ULK4: variants seen among roughly 807,000 people sequenced by gnomAD.
ULK4 encodes inactive serine/threonine-protein kinase ULK4.
Under a neutral mutation model 160.6 loss-of-function variants are expected in ULK4, and 133 were observed. The ratio of observed to expected loss-of-function variants is 0.83; its 90% CI spans 0.72 to 0.96. ULK4 has a LOEUF of 0.96. Among genes scored for constraint, ULK4 ranks in the 40% least tolerant of loss-of-function variants. The probability of loss-of-function intolerance (pLI) is 0.00; values close to 1 mark genes in which losing one functional copy is unlikely to be tolerated. For synonymous variants in ULK4, 534 were observed against 539.8 expected (o/e 0.99, Z 0.15); for missense variants, 1,580 against 1,499.5 (o/e 1.05, Z -0.89).
intron 23 of ULK4, 91 bp downstream of exon 23, chr3:41,717,637 C>G: frequency 6.7e-7 from 1 of 1,490,714 alleles, no homozygotes; most frequent in Non-Finnish European, 9.1e-7. Context: ...CAAGAACAGA[C>G]AAGTAAGAAT....
chr3:41,355,090 G>T (rs1370690935), intron 35 of ULK4, among the ~76,000 whole-genome samples: 2 of 152,192 alleles, frequency 1.3e-5, no homozygotes, highest in African/African-American at 4.8e-5. Flanking sequence ...TGTGCTAAGG[G>T]TAAAGACAAT....
intron 17 of ULK4, among the ~76,000 whole-genome samples, chr3:41,871,667 T>G (rs141543877): frequency 2.7e-3 from 411 of 152,374 alleles, no homozygotes; most frequent in African/African-American, 9.4e-3. Flanking sequence ...TTCTCATGTC[T>G]TTTGCCCATT....
chr3:41,845,485 A>T (rs751307836), intron 17 of ULK4, among the ~76,000 whole-genome samples: 1 of 152,194 alleles, frequency 6.6e-6, no homozygotes, highest in Non-Finnish European at 1.5e-5. Context: ...AAAAATATAT[A>T]AATGGAAAAC....
intron 32 of ULK4, among the ~76,000 whole-genome samples, chr3:41,475,153 T>C (rs2084101402): frequency 6.6e-6 from 1 of 152,168 alleles, no homozygotes; most frequent in African/African-American, 2.4e-5. Flanking sequence ...GGAATTTTAT[T>C]CAGCCTTAAA....
intron 19 of ULK4, among the ~76,000 whole-genome samples, chr3:41,804,406 C>T (rs1575737828): frequency 6.6e-6 from 1 of 152,088 alleles, no homozygotes; most frequent in East Asian, 1.9e-4. Context: ...GAGTAGGTTG[C>T]AAAAATTTTC....
At chr3:41,650,536 T>TG (rs1162906197) in intron 30 of ULK4, among the ~76,000 whole-genome samples, 1 of 152,206 alleles carries the variant, frequency 6.6e-6, no homozygotes, top group Non-Finnish European at 1.5e-5. Flanking sequence ...CGCTGGCACT[T>TG]GGAGCTGCCC....
chr3:41,506,791 T>C (rs373469534), intron 32 of ULK4, among the ~76,000 whole-genome samples: 1 of 64,380 alleles, frequency 1.6e-5, no homozygotes, highest in Non-Finnish European at 3.5e-5. Flanking sequence ...TATATATATA[T>C]ATATATATAT....
intron 17 of ULK4, among the ~76,000 whole-genome samples, chr3:41,854,651 C>T (rs776846365): frequency 1.5e-4 from 23 of 152,114 alleles, no homozygotes; most frequent in South Asian, 6.2e-4. Flanking sequence ...GAATTCACAG[C>T]TTCTTACCCA....
intron 32 of ULK4, among the ~76,000 whole-genome samples, chr3:41,511,255 C>T (rs1191950031): frequency 6.7e-6 from 1 of 150,372 alleles, no homozygotes. Context: ...ACAATTCAAA[C>T]CAAAACACAG....
chr3:41,501,119 A>C (rs1022395605), intron 32 of ULK4, among the ~76,000 whole-genome samples: 1 of 152,214 alleles, frequency 6.6e-6, no homozygotes. Flanking sequence ...GTTGGTGAGA[A>C]TGCGAAACAA....
At chr3:41,629,918 G>GC (rs2033679121) in intron 30 of ULK4, among the ~76,000 whole-genome samples, 1 of 152,118 alleles carries the variant, frequency 6.6e-6, no homozygotes, top group Admixed American at 6.6e-5. Context: ...GATCACCTGA[G>GC]CCCAGGGAGG....
chr3:41,649,794 G>A (rs1485702993), intron 30 of ULK4, among the ~76,000 whole-genome samples: 1 of 152,246 alleles, frequency 6.6e-6, no homozygotes, highest in Non-Finnish European at 1.5e-5. Context: ...AGAAGAGGGA[G>A]GATTCCCAGT....
At chr3:41,641,996 C>G (rs2034225278) in intron 30 of ULK4, among the ~76,000 whole-genome samples, 3 of 151,730 alleles carry the variant, frequency 2.0e-5, no homozygotes, top group Admixed American at 2.0e-4. Context: ...GTGCCTCAGC[C>G]TCCCAAGTAG....
At chr3:41,663,892 G>A (rs532764527) in intron 29 of ULK4, among the ~76,000 whole-genome samples, 193 bp from the exon 30 acceptor site, 9 of 152,252 alleles carry the variant, frequency 5.9e-5, no homozygotes, top group Non-Finnish European at 1.0e-4. Context: ...ATTGAAATAA[G>A]AGAATAAACC....
At position 41,344,798 on chromosome 3, in the gene ULK4, A is replaced by C. The variant is rs904907061; in HGVS notation, c.3678+53281T>G. 2.0e-5 allele frequency among the ~76,000 whole-genome samples: 3 copies of C among 151,624 alleles called. No homozygotes were observed. In the Middle Eastern group the frequency reaches 0.01, roughly 519 times the overall value. On this transcript the variant is annotated intron_variant, in intron 35 of 36. Coordinates refer to ENST00000301831, the MANE Select transcript of ULK4 (RefSeq NM_017886.4). ...AGGCAAAAATTGACAAATGGGATCT[A>C]ATTAAAGAGCTTCTGCACAAAAAAA...
chr3:41,588,549 T>C (rs2031006861), intron 31 of ULK4, among the ~76,000 whole-genome samples: 1 of 152,194 alleles, frequency 6.6e-6, no homozygotes, highest in Non-Finnish European at 1.5e-5. Flanking sequence ...CCAGGTCTCC[T>C]GTCTGCTAGC....
intron 34 of ULK4, among the ~76,000 whole-genome samples, chr3:41,402,059 T>C (rs1339692325): frequency 6.6e-6 from 1 of 152,170 alleles, no homozygotes; most frequent in African/African-American, 2.4e-5. Context: ...TGCTTCCCCA[T>C]GGTCACGTCA....
intron 31 of ULK4, among the ~76,000 whole-genome samples, chr3:41,571,899 C>T (rs1234729361): frequency 6.6e-6 from 1 of 152,210 alleles, no homozygotes. Flanking sequence ...TGAAGACCTG[C>T]AACAAGGCCT....
chr3:41,713,745 C>T (rs766803021), intron 25 of ULK4, among the ~76,000 whole-genome samples: 1 of 152,156 alleles, frequency 6.6e-6, no homozygotes, highest in Non-Finnish European at 1.5e-5. Context: ...TGGACACACT[C>T]AGTGTGGCCT....
Sources: gnomAD v4.1 joint callset for allele counts (sites outside exome capture counted in the v4.1 genomes callset) on GRCh38, gnomAD v4.1.1 for gene constraint, MANE v1.5 for transcripts, NCBI Gene and HGNC (gene_info 2026-07-23, HGNC 2026-07-21) for gene names.